The following OOEP variants were observed in gnomAD, a reference collection of about 807,000 sequenced individuals.
OOEP encodes oocyte expressed protein.
A neutral mutation model predicts 13.7 loss-of-function variants in OOEP; 16 were observed. That is an observed-to-expected ratio of 1.16 (90% CI 0.79 to 1.77). OOEP has a LOEUF of 1.77. Among genes scored for constraint, OOEP ranks in the 40% most tolerant of loss-of-function variants. The pLI, the probability that OOEP is intolerant of heterozygous loss-of-function variation, is 0.00. For missense variants in OOEP, 195 were observed against 193.1 expected (o/e 1.01, Z -0.06); for synonymous variants, 89 against 77.1 (o/e 1.15, Z -0.81).
At chr6:73,391,115 T>C (rs1769341509) in intron 2 of OOEP, 1 of 152,232 alleles carries the variant, frequency 6.6e-6, no homozygotes, top group African/African-American at 2.4e-5. Flanking sequence ...TGTTTTTCTT[T>C]GGCTTCCTTT....
intron 2 of OOEP, among the ~76,000 whole-genome samples, chr6:73,377,156 C>A (rs1443203919): frequency 6.6e-6 from 1 of 152,190 alleles, no homozygotes; most frequent in Non-Finnish European, 1.5e-5. Context: ...AAACTGACTA[C>A]AATCTTAAGC....
At chr6:73,375,602 T>C (rs972875595) in intron 2 of OOEP, among the ~76,000 whole-genome samples, 1 of 147,962 alleles carries the variant, frequency 6.8e-6, no homozygotes, top group Non-Finnish European at 1.5e-5. Flanking sequence ...TTATATATAA[T>C]ATATATAGCT....
At chr6:73,389,545 C>T (rs554866414) in intron 2 of OOEP, among the ~76,000 whole-genome samples, 3 of 152,136 alleles carry the variant, frequency 2.0e-5, no homozygotes, top group African/African-American at 7.2e-5. Context: ...TCGCAAAAGG[C>T]TTAGGCTTAG....
At chr6:73,380,246 C>CTT (rs774497914) in intron 2 of OOEP, among the ~76,000 whole-genome samples, 97 of 126,880 alleles carry the variant, frequency 7.6e-4, no homozygotes, top group East Asian at 2.8e-3. Flanking sequence ...TTCCAAAATT[C>CTT]TTTTTTTTTT....
upstream of OOEP, among the ~76,000 whole-genome samples, chr6:73,374,645 C>T (rs1769109829): frequency 6.6e-6 from 1 of 152,128 alleles, no homozygotes; most frequent in South Asian, 2.1e-4. Flanking sequence ...TGGTCTGGAA[C>T]TCCTAGGCTC....
At chr6:73,380,264 T>G (rs1055906694) in intron 2 of OOEP, among the ~76,000 whole-genome samples, 1 of 151,408 alleles carries the variant, frequency 6.6e-6, no homozygotes, top group Non-Finnish European at 1.5e-5. Flanking sequence ...TTTTTTTTTT[T>G]TGAGACAGGG....
At chr6:73,394,788 G>GT (rs1223593448) in exon 1 of OOEP, 1 of 1,454,112 alleles carries the variant, frequency 6.9e-7, no homozygotes, top group Non-Finnish European at 9.2e-7. Context: ...GGCTAGCCTC[G>GT]TGCGGGCTCC....
At chr6:73,372,515 G>T (rs150041892), upstream of OOEP, among the ~76,000 whole-genome samples, 479 of 152,164 alleles carry the variant, frequency 3.1e-3, 2 homozygotes, top group Non-Finnish European at 4.7e-3. Flanking sequence ...AATCTGATTC[G>T]CAAGTGTTGG....
At chr6:73,386,977 G>GAAAAA (rs1169476638) in intron 2 of OOEP, among the ~76,000 whole-genome samples, 1 of 30,866 alleles carries the variant, frequency 3.2e-5, no homozygotes, top group African/African-American at 1.4e-4. Context: ...TTCCATCTCA[G>GAAAAA]AAAAAAAAAA....
exon 2 of OOEP, chr6:73,394,463 C>T: frequency 1.5e-6 from 1 of 682,564 alleles, no homozygotes; most frequent in Non-Finnish European, 2.7e-6. Context: ...CAAGACCTGC[C>T]TGGGCAACAC....
chr6:73,372,591 G>T (rs1370780869), upstream of OOEP, among the ~76,000 whole-genome samples: 1 of 152,162 alleles, frequency 6.6e-6, no homozygotes, highest in Non-Finnish European at 1.5e-5. Flanking sequence ...AAACAGGAGG[G>T]CTATTGTGCA....
intron 2 of OOEP, among the ~76,000 whole-genome samples, chr6:73,379,094 G>A (rs1209836847): frequency 1.3e-5 from 2 of 151,628 alleles, no homozygotes; most frequent in Non-Finnish European, 2.9e-5. Flanking sequence ...GCATGATCTC[G>A]GCTCACTGCA....
upstream of OOEP, among the ~76,000 whole-genome samples, chr6:73,370,764 A>G (rs1205211714): frequency 6.6e-6 from 1 of 152,180 alleles, no homozygotes; most frequent in Non-Finnish European, 1.5e-5. Flanking sequence ...CGTTCTTACA[A>G]TTAACTATGT....
intron 2 of OOEP, chr6:73,391,818 T>G (rs1769351336): frequency 1.3e-5 from 2 of 152,232 alleles, no homozygotes. Flanking sequence ...GAGGTTTTTA[T>G]AAGTGTTGTT....
intron 2 of OOEP, among the ~76,000 whole-genome samples, chr6:73,380,881 G>A (rs1016145263): frequency 1.2e-4 from 18 of 152,268 alleles, no homozygotes; most frequent in African/African-American, 4.3e-4. Flanking sequence ...AGGCACAGTG[G>A]CTCACGCTTG....
intron 2 of OOEP, among the ~76,000 whole-genome samples, chr6:73,377,154 T>C (rs1181305968): frequency 6.6e-6 from 1 of 152,172 alleles, no homozygotes; most frequent in Non-Finnish European, 1.5e-5. Context: ...AGAAACTGAC[T>C]ACAATCTTAA....
chr6:73,369,562 C>A, intron 1 of OOEP, 41 bp downstream of exon 1: 1 of 1,593,990 alleles, frequency 6.3e-7, no homozygotes, highest in Non-Finnish European at 8.6e-7. Flanking sequence ...CTCTCTCAGA[C>A]TGGAGGTGGA....
chr6:73,394,934 CCTCTACGTGGGT>C, exon 1 of OOEP: 1 of 1,614,252 alleles, frequency 6.2e-7, no homozygotes, highest in Non-Finnish European at 8.5e-7. Context: ...GCTCCCAAGG[CCTCTACGTGGGT>C]CGTTGCTAGT....
Position 73,369,263 on chromosome 6 carries a change from G to T in OOEP, c.313C>A (p.Arg105=). ...AGGCACAGGAGCATGCTCTTCACCC[G>T]ATTCTGTACACGGGGCCGCCCGAAA... is the stretch of plus-strand genomic sequence containing the variant. ...TVFGRPRVQN[R]VKSMLLCLAW... The change falls in exon 2 of 3, where the codon CGG becomes AGG. Residue 105 remains arginine, a synonymous_variant. Transcript: ENST00000370359. 1 of 1,613,914 alleles carries T rather than the reference G, an allele frequency of 6.2e-7. No individual in the cohort carries two copies. The highest frequency in any genetic ancestry group is 8.5e-7 in the Non-Finnish European group (1 of 1,179,886).
Sources: allele counts gnomAD v4.1 joint callset (sites outside exome capture counted in the v4.1 genomes callset), GRCh38; gene constraint gnomAD v4.1.1; transcripts MANE v1.5; gene names NCBI Gene and HGNC (gene_info 2026-07-23, HGNC 2026-07-21).